PRKG1: variants seen among roughly 807,000 people sequenced by gnomAD.
The protein encoded by PRKG1 is cGMP-dependent protein kinase 1.
Under a neutral mutation model 88.1 loss-of-function variants are expected in PRKG1, and 35 were observed. That is an observed-to-expected ratio of 0.40 (90% confidence interval 0.30 to 0.53). The LOEUF (loss-of-function observed/expected upper bound fraction) is 0.53, where lower values mean the gene tolerates loss of function less well. Ranked by LOEUF, PRKG1 falls within the 20% of genes least tolerant of loss-of-function variation. The probability of loss-of-function intolerance (pLI) is 0.59; values close to 1 mark genes in which losing one functional copy is unlikely to be tolerated. For synonymous variants in PRKG1, 303 were observed against 292.5 expected (o/e 1.04, Z -0.37); for missense variants, 540 against 839.8 (o/e 0.64, Z 4.41).
chr10:51,954,634 T>A (rs1197706046), intron 5 of PRKG1, among the ~76,000 whole-genome samples: 1 of 152,196 alleles, frequency 6.6e-6, no homozygotes, highest in Non-Finnish European at 1.5e-5. Flanking sequence ...AGACGCCCAC[T>A]TTCTCAGAAC....
Position 51,989,442 on chromosome 10 carries a change from A to T in PRKG1, c.763-65042A>T, listed in dbSNP as rs554933023. Among the ~76,000 whole-genome samples, 4 of 152,196 alleles carry T rather than the reference A, an allele frequency of 2.6e-5. No individual in the cohort carries two copies. The South Asian group carries it at 8.3e-4, about 32-fold the overall frequency. On this transcript the variant is annotated intron_variant, in intron 5 of 17. Coordinates refer to ENST00000373980, the MANE Select transcript of PRKG1 (RefSeq NM_006258.4). ...GCAAAATAGGTTGAAATCATGTAAT[A>T]ATTCAAGGTCAAGTCAATGACAACT... is the stretch of plus-strand genomic sequence containing the variant.
At chr10:51,300,510 T>G (rs1250625748) in intron 2 of PRKG1, among the ~76,000 whole-genome samples, 1 of 152,224 alleles carries the variant, frequency 6.6e-6, no homozygotes, top group Non-Finnish European at 1.5e-5. Flanking sequence ...TTATACACCC[T>G]TCTTATTTCT....
intron 3 of PRKG1, among the ~76,000 whole-genome samples, chr10:51,616,505 G>A (rs1479700496): frequency 6.6e-6 from 1 of 152,182 alleles, no homozygotes; most frequent in Non-Finnish European, 1.5e-5. Flanking sequence ...CATGCAGATA[G>A]GTGGTGGTAG....
chr10:51,091,775 T>G (rs1032184327), intron 1 of PRKG1, among the ~76,000 whole-genome samples: 2 of 152,296 alleles, frequency 1.3e-5, no homozygotes, highest in East Asian at 3.9e-4. Context: ...GGCATTCTAC[T>G]GAGGATTAAT....
At chr10:51,937,976 G>A (rs1364805403) in intron 5 of PRKG1, among the ~76,000 whole-genome samples, 2 of 151,998 alleles carry the variant, frequency 1.3e-5, no homozygotes, top group African/African-American at 4.8e-5. Flanking sequence ...TACGCTATCT[G>A]CCTGTTAGTC....
intron 2 of PRKG1, among the ~76,000 whole-genome samples, chr10:51,206,993 G>GCAGTTTGCAGTTTTTTTTAAATT (rs1838079737): frequency 2.0e-5 from 3 of 152,002 alleles, no homozygotes; most frequent in Non-Finnish European, 4.4e-5. Flanking sequence ...TTTTTAAATT[G>GCAGTTTGCAGTTTTTTTTAAATT]TAGTTTGCAG....
At chr10:51,853,806 C>T (rs1840615336) in intron 4 of PRKG1, among the ~76,000 whole-genome samples, 1 of 152,116 alleles carries the variant, frequency 6.6e-6, no homozygotes, top group African/African-American at 2.4e-5. Context: ...GAGAAGCAGC[C>T]TCTACTGTAC....
intron 7 of PRKG1, among the ~76,000 whole-genome samples, chr10:52,126,903 A>G (rs909113391): frequency 2.0e-5 from 3 of 152,202 alleles, no homozygotes; most frequent in Non-Finnish European, 4.4e-5. Context: ...CTATACATGA[A>G]AACATTGAAA....
At chr10:51,482,809 G>C (rs1224634211) in intron 3 of PRKG1, among the ~76,000 whole-genome samples, 1 of 152,056 alleles carries the variant, frequency 6.6e-6, no homozygotes, top group East Asian at 1.9e-4. Context: ...CATGAAATAG[G>C]GATAATAAGG....
chr10:51,707,480 G>A (rs987728615), intron 3 of PRKG1, among the ~76,000 whole-genome samples: 10 of 152,174 alleles, frequency 6.6e-5, no homozygotes, highest in Non-Finnish European at 1.2e-4. Flanking sequence ...CGTGCTTCAG[G>A]CTGTCACCCG....
intron 1 of PRKG1, among the ~76,000 whole-genome samples, chr10:50,992,219 G>T (rs984501833): frequency 6.6e-6 from 1 of 152,132 alleles, no homozygotes; most frequent in Non-Finnish European, 1.5e-5. Context: ...CGGGACAGGG[G>T]CTTGTCTCTA....
At chr10:51,050,236 G>A (rs2132768019) in intron 1 of PRKG1, among the ~76,000 whole-genome samples, 1 of 151,608 alleles carries the variant, frequency 6.6e-6, no homozygotes, top group Non-Finnish European at 1.5e-5. Context: ...GTTTACTATA[G>A]GCACTATTCT....
intron 5 of PRKG1, among the ~76,000 whole-genome samples, chr10:52,039,063 GGATT>G (rs553915024): frequency 1.9e-4 from 29 of 152,296 alleles, no homozygotes; most frequent in African/African-American, 6.3e-4. Flanking sequence ...GGAGGACAGG[GGATT>G]GATCTCCCAA....
intron 2 of PRKG1, among the ~76,000 whole-genome samples, chr10:51,280,959 A>T (rs1363354637): frequency 6.6e-6 from 1 of 152,080 alleles, no homozygotes; most frequent in Non-Finnish European, 1.5e-5. Flanking sequence ...TAGAATTTTC[A>T]GCTTTTCTGC....
At chr10:51,730,447 G>A (rs571307946) in intron 3 of PRKG1, among the ~76,000 whole-genome samples, 1 of 152,314 alleles carries the variant, frequency 6.6e-6, no homozygotes, top group African/African-American at 2.4e-5. Flanking sequence ...CTTGCAGAGA[G>A]TTCTTTACTC....
chr10:52,223,560 T>G (rs1840306168), intron 9 of PRKG1, among the ~76,000 whole-genome samples: 1 of 152,146 alleles, frequency 6.6e-6, no homozygotes, highest in East Asian at 1.9e-4. Context: ...CTTTCATCCT[T>G]GGTGATCTTC....
At chr10:52,270,068 T>C (rs955192881) in intron 10 of PRKG1, among the ~76,000 whole-genome samples, 7 of 152,112 alleles carry the variant, frequency 4.6e-5, no homozygotes, top group Non-Finnish European at 1.0e-4. Context: ...AAAATCTTGT[T>C]ACAATTTTTT....
intron 9 of PRKG1, among the ~76,000 whole-genome samples, chr10:52,162,253 T>A (rs1838296285): frequency 6.6e-6 from 1 of 152,132 alleles, no homozygotes; most frequent in African/African-American, 2.4e-5. Context: ...TTGTTTGTCC[T>A]CCAGAAAATA....
chr10:52,155,637 G>A (rs2174259), intron 8 of PRKG1, among the ~76,000 whole-genome samples: 105,619 of 150,936 alleles, frequency 0.7, 38,469 homozygotes, highest in South Asian at 0.83. Flanking sequence ...ACATGCCAAA[G>A]TGTTAACGTT....
Sources: allele counts gnomAD v4.1 joint callset (sites outside exome capture counted in the v4.1 genomes callset), GRCh38; gene constraint gnomAD v4.1.1; transcripts MANE v1.5; gene names NCBI Gene and HGNC (gene_info 2026-07-23, HGNC 2026-07-21).